Variants in SH3RF3 observed in about 807,000 individuals in gnomAD.
SH3RF3 encodes the protein SH3 domain containing ring finger 3, also known as E3 ubiquitin-protein ligase SH3RF3.
A neutral mutation model predicts 66.3 loss-of-function variants in SH3RF3; 29 were observed. The observed-to-expected ratio is 0.44, with a 90% confidence interval of 0.33 to 0.60. SH3RF3 has a LOEUF of 0.60. Ranked by LOEUF, SH3RF3 falls within the 20% of genes least tolerant of loss-of-function variation. The probability of loss-of-function intolerance (pLI) is 0.04; values close to 1 mark genes in which losing one functional copy is unlikely to be tolerated. For missense variants in SH3RF3, 1,194 were observed against 1,190.9 expected (o/e 1.00, Z -0.04); for synonymous variants, 583 against 532.0 (o/e 1.10, Z -1.32).
intron 1 of SH3RF3, among the ~76,000 whole-genome samples, chr2:109,249,468 T>C (rs557737583): frequency 1.6e-3 from 8 of 4,890 alleles, no homozygotes; most frequent in Non-Finnish European, 2.4e-3. Context: ...TCTCTCTTTC[T>C]CTTTCTTTCT....
intron 8 of SH3RF3, among the ~76,000 whole-genome samples, chr2:109,465,881 A>G (rs1559098211): frequency 6.6e-6 from 1 of 152,126 alleles, no homozygotes; most frequent in Admixed American, 6.5e-5. Flanking sequence ...GTGTTAAACC[A>G]TTCGTGAGAA....
intron 2 of SH3RF3, among the ~76,000 whole-genome samples, chr2:109,362,814 A>T (rs1167167481): frequency 6.6e-6 from 1 of 152,152 alleles, no homozygotes; most frequent in Non-Finnish European, 1.5e-5. Context: ...CTTCGTCATT[A>T]TGTAATGCCC....
intron 1 of SH3RF3, among the ~76,000 whole-genome samples, chr2:109,263,263 T>C (rs1203321176): frequency 1.3e-5 from 2 of 152,262 alleles, no homozygotes; most frequent in African/African-American, 4.8e-5. Flanking sequence ...GTTTAAATTA[T>C]TATCTGTGGT....
chr2:109,321,823 G>C (rs1225068402), intron 1 of SH3RF3, among the ~76,000 whole-genome samples: 1 of 152,206 alleles, frequency 6.6e-6, no homozygotes, highest in East Asian at 1.9e-4. Flanking sequence ...GACATCAGAG[G>C]CTGGCCATGA....
intron 1 of SH3RF3, among the ~76,000 whole-genome samples, chr2:109,222,068 G>A (rs1291613674): frequency 6.6e-6 from 1 of 152,090 alleles, no homozygotes; most frequent in Non-Finnish European, 1.5e-5. Flanking sequence ...AACTGCAGGT[G>A]GTTATGGTAA....
At chr2:109,181,983 C>T (rs904578230) in intron 1 of SH3RF3, among the ~76,000 whole-genome samples, 1 of 152,068 alleles carries the variant, frequency 6.6e-6, no homozygotes, top group African/African-American at 2.4e-5. Flanking sequence ...GATGTTTGCT[C>T]ATTGCTCAGG....
chr2:109,319,495 G>A (rs1363603872), intron 1 of SH3RF3, among the ~76,000 whole-genome samples: 1 of 152,148 alleles, frequency 6.6e-6, no homozygotes, highest in South Asian at 2.1e-4. Context: ...GGGTAGTGAC[G>A]GTGGTCAAGA....
In SH3RF3 at chr2:109,357,513, A is replaced by G. The variant is rs529049262; in HGVS notation, c.849+9564A>G. Among the ~76,000 whole-genome samples, 27 of 152,288 alleles carry G rather than the reference A, an allele frequency of 1.8e-4. No homozygotes were observed. In the East Asian group the frequency reaches 5.2e-3, roughly 29 times the overall value. The stretch of plus-strand genomic sequence containing the variant: ...TATATTCTTACCTAGTGATGAAATG[A>G]TGGATACTGGGGCTCCTGTGCCTCT... On this transcript the variant is annotated intron_variant, in intron 2 of 9. Coordinates refer to ENST00000309415, the MANE Select transcript of SH3RF3 (RefSeq NM_001099289.3).
At chr2:109,388,911 T>C (rs1316523571) in intron 3 of SH3RF3, among the ~76,000 whole-genome samples, 2 of 152,152 alleles carry the variant, frequency 1.3e-5, no homozygotes, top group East Asian at 3.9e-4. Flanking sequence ...TAATAGAGAT[T>C]AGTGGTGAGG....
intron 1 of SH3RF3, among the ~76,000 whole-genome samples, chr2:109,245,092 T>C (rs1166621727): frequency 2.0e-5 from 3 of 152,192 alleles, no homozygotes; most frequent in African/African-American, 7.2e-5. Context: ...GAGCAGAGTG[T>C]GCCCAGTTCT....
At chr2:109,371,727 C>G (rs1395690590) in intron 3 of SH3RF3, 46 bp downstream of exon 3, 1 of 1,540,292 alleles carries the variant, frequency 6.5e-7, no homozygotes, top group Non-Finnish European at 8.9e-7. Context: ...CTTGCCCACC[C>G]TTGTTTCACT....
chr2:109,351,349 C>T (rs1296239906), intron 2 of SH3RF3, among the ~76,000 whole-genome samples: 1 of 152,210 alleles, frequency 6.6e-6, no homozygotes, highest in African/African-American at 2.4e-5. Context: ...CCTTCCCAGT[C>T]TCAGGATGCC....
intron 1 of SH3RF3, among the ~76,000 whole-genome samples, chr2:109,170,244 TTTCTCTTCTCTTCTC>T (rs1206279912): frequency 0.073 from 2,378 of 32,678 alleles, 47 homozygotes; most frequent in East Asian, 0.16. Context: ...CTTCTTTTCT[TTTCTCTTCTCTTCTC>T]TTCTCTTCTC....
At chr2:109,204,844 G>A (rs144048232) in intron 1 of SH3RF3, among the ~76,000 whole-genome samples, 9 of 152,254 alleles carry the variant, frequency 5.9e-5, no homozygotes, top group African/African-American at 1.4e-4. Flanking sequence ...TTTCTGTAGC[G>A]TGGAAGTGGG....
intron 9 of SH3RF3, among the ~76,000 whole-genome samples, chr2:109,493,418 A>ATGCAAACACAGACTACACACATG (rs1188651857): frequency 2.0e-5 from 3 of 151,452 alleles, no homozygotes; most frequent in Non-Finnish European, 1.5e-5. Context: ...CACATACATC[A>ATGCAAACACAGACTACACACATG]TGCAAACACA....
chr2:109,502,856 A>G lies in SH3RF3; in HGVS notation c.*1185A>G, dbSNP rs923824919. The G allele has an allele frequency of 6.6e-5, 10 of 152,246 alleles. No individual in the cohort carries two copies. The highest frequency in any genetic ancestry group is 1.3e-4 in the Admixed American group (2 of 15,290). 9.4% of individuals were successfully genotyped at this position (152,246 alleles called of 1,614,324 possible). A position where few individuals can be genotyped will look rare whatever the true frequency, so the allele number is the denominator to read the frequency against. ...TATCAAAATGTGCAGTTTCTACAAC[A>G]GTTTAGATCACCACCACCATTTTTC... On this transcript the variant is annotated 3_prime_UTR_variant, in exon 10 of 10. Coordinates refer to ENST00000309415, the MANE Select transcript of SH3RF3 (RefSeq NM_001099289.3).
chr2:109,204,977 G>A (rs1678775757), intron 1 of SH3RF3, among the ~76,000 whole-genome samples: 2 of 152,188 alleles, frequency 1.3e-5, no homozygotes, highest in African/African-American at 4.8e-5. Flanking sequence ...GGAGGCTGAG[G>A]CAGGAGGATC....
chr2:109,227,700 G>T (rs1184384248), intron 1 of SH3RF3, among the ~76,000 whole-genome samples: 1 of 152,210 alleles, frequency 6.6e-6, no homozygotes, highest in Non-Finnish European at 1.5e-5. Context: ...GCAGGTCACA[G>T]GATCCACTTC....
chr2:109,468,346 G>A (rs1678413471), intron 8 of SH3RF3, among the ~76,000 whole-genome samples: 1 of 152,194 alleles, frequency 6.6e-6, no homozygotes, highest in Admixed American at 6.5e-5. Flanking sequence ...GCGTTGCACT[G>A]TGATGTTATG....
Sources: gnomAD v4.1 joint callset for allele counts (sites outside exome capture counted in the v4.1 genomes callset) on GRCh38, gnomAD v4.1.1 for gene constraint, MANE v1.5 for transcripts, NCBI Gene and HGNC (gene_info 2026-07-23, HGNC 2026-07-21) for gene names.